The following PCDH7 variants were observed in gnomAD, a reference collection of about 807,000 sequenced individuals.
PCDH7 encodes protocadherin-7.
Under a neutral mutation model 58.9 loss-of-function variants are expected in PCDH7, and 17 were observed. The observed-to-expected ratio is 0.29, with a 90% CI of 0.20 to 0.43. The LOEUF (loss-of-function observed/expected upper bound fraction) is 0.43. PCDH7 is among the 20% of genes least tolerant of loss of function. PCDH7 has a pLI of 1.00. For missense variants in PCDH7, 1,274 were observed against 1,441.0 expected, an observed-to-expected ratio of 0.88 and a Z score of 1.88; for synonymous variants, 664 against 616.4, an observed-to-expected ratio of 1.08 and a Z score of -1.14.
chr4:30,974,782 T>C (rs1469816563), intron 3 of PCDH7, among the ~76,000 whole-genome samples: 1 of 152,076 alleles, frequency 6.6e-6, no homozygotes, highest in Non-Finnish European at 1.5e-5. Context: ...TTCAATGAGG[T>C]TTTAAGAGGG....
At chr4:30,927,379 G>A (rs1041262358) in intron 2 of PCDH7, among the ~76,000 whole-genome samples, 1 of 151,896 alleles carries the variant, frequency 6.6e-6, no homozygotes, top group Admixed American at 6.6e-5. Flanking sequence ...ATTGAGAACG[G>A]GCCATGATGA....
downstream of PCDH7, among the ~76,000 whole-genome samples, chr4:30,734,077 A>AC (rs201221727): frequency 0.012 from 1,789 of 151,998 alleles, 31 homozygotes; most frequent in African/African-American, 0.041. Flanking sequence ...CTTAAAAAAA[A>AC]ACACACAAAA....
chr4:30,850,189 C>T (rs1009779595), intron 1 of PCDH7, among the ~76,000 whole-genome samples: 3 of 151,988 alleles, frequency 2.0e-5, no homozygotes, highest in Non-Finnish European at 2.9e-5. Context: ...AGACTGTATT[C>T]TTGATATATG....
chr4:30,751,199 T>G (rs1718475105), intron 1 of PCDH7, among the ~76,000 whole-genome samples: 1 of 152,226 alleles, frequency 6.6e-6, no homozygotes, highest in Non-Finnish European at 1.5e-5. Context: ...CCTTGTATGA[T>G]ATGAGCTTTT....
intron 3 of PCDH7, among the ~76,000 whole-genome samples, chr4:31,096,919 G>A (rs1356417713): frequency 3.1e-5 from 3 of 95,388 alleles, no homozygotes; most frequent in African/African-American, 7.1e-5. Context: ...GTTTGTGTGT[G>A]TGTGTGTGTT....
At chr4:31,111,761 A>C (rs2109312227) in intron 3 of PCDH7, among the ~76,000 whole-genome samples, 1 of 152,190 alleles carries the variant, frequency 6.6e-6, no homozygotes, top group African/African-American at 2.4e-5. Flanking sequence ...CTAACTCGAA[A>C]CCTCTGCAGT....
At chr4:31,063,199 A>G (rs1273172380) in intron 3 of PCDH7, among the ~76,000 whole-genome samples, 2 of 151,880 alleles carry the variant, frequency 1.3e-5, no homozygotes, top group Non-Finnish European at 2.9e-5. Flanking sequence ...ATGTGTATGT[A>G]CCATGTGGAT....
At chr4:31,019,976 G>A (rs1753902238) in intron 3 of PCDH7, among the ~76,000 whole-genome samples, 1 of 152,006 alleles carries the variant, frequency 6.6e-6, no homozygotes, top group Non-Finnish European at 1.5e-5. Flanking sequence ...AAGCAATTTT[G>A]CAAACAAAAT....
intron 2 of PCDH7, among the ~76,000 whole-genome samples, chr4:30,923,883 A>G (rs750676987): frequency 6.6e-6 from 1 of 152,186 alleles, no homozygotes; most frequent in Non-Finnish European, 1.5e-5. Context: ...AATAATTCAT[A>G]TAGAGTTTAT....
intron 3 of PCDH7, among the ~76,000 whole-genome samples, chr4:31,045,150 T>G (rs1286059019): frequency 6.6e-6 from 1 of 152,102 alleles, no homozygotes; most frequent in Non-Finnish European, 1.5e-5. Flanking sequence ...TTACTGTGAC[T>G]TTAGAAAATA....
At chr4:31,070,135 A>C (rs1396392039) in intron 3 of PCDH7, among the ~76,000 whole-genome samples, 3 of 152,080 alleles carry the variant, frequency 2.0e-5, no homozygotes, top group Admixed American at 2.0e-4. Context: ...TGCTGAATTG[A>C]TACAAAGTAA....
At chr4:31,085,528 A>G (rs897615532) in intron 3 of PCDH7, among the ~76,000 whole-genome samples, 2 of 152,110 alleles carry the variant, frequency 1.3e-5, no homozygotes, top group Non-Finnish European at 2.9e-5. Flanking sequence ...ACTTTAGCCT[A>G]CTCCCAGGAA....
intron 3 of PCDH7, among the ~76,000 whole-genome samples, chr4:31,002,959 T>C (rs1002340150): frequency 4.6e-5 from 7 of 152,200 alleles, no homozygotes; most frequent in African/African-American, 1.7e-4. Context: ...GCCTAAACTT[T>C]AGCTCTGAGT....
chr4:30,799,281 C>A (rs1725207604), intron 1 of PCDH7, among the ~76,000 whole-genome samples: 1 of 152,136 alleles, frequency 6.6e-6, no homozygotes, highest in South Asian at 2.1e-4. Flanking sequence ...TCTAGCATTT[C>A]AAAAATTCAG....
intron 3 of PCDH7, among the ~76,000 whole-genome samples, chr4:30,992,714 T>A (rs1751553564): frequency 6.6e-6 from 1 of 150,428 alleles, no homozygotes; most frequent in South Asian, 2.1e-4. Context: ...ATACATAAAA[T>A]ACATATAACA....
At chr4:30,810,437 T>G (rs918066374) in intron 1 of PCDH7, among the ~76,000 whole-genome samples, 1 of 152,008 alleles carries the variant, frequency 6.6e-6, no homozygotes, top group Non-Finnish European at 1.5e-5. Flanking sequence ...TTTAGCTTTT[T>G]TTTTTGCTTT....
At chr4:31,039,223 G>C (rs1755650552) in intron 3 of PCDH7, among the ~76,000 whole-genome samples, 1 of 152,188 alleles carries the variant, frequency 6.6e-6, no homozygotes, top group African/African-American at 2.4e-5. Flanking sequence ...TTGTGACAGT[G>C]TTAGGATATT....
intron 1 of PCDH7, among the ~76,000 whole-genome samples, chr4:30,748,145 C>CT (rs1175778448): frequency 2.0e-5 from 3 of 152,042 alleles, no homozygotes; most frequent in Non-Finnish European, 1.5e-5. Context: ...ACTGGAGAAA[C>CT]TTTTACAAAC....
intron 3 of PCDH7, among the ~76,000 whole-genome samples, chr4:31,092,522 G>C (rs1337707780): frequency 6.6e-6 from 1 of 152,016 alleles, no homozygotes; most frequent in Non-Finnish European, 1.5e-5. Flanking sequence ...CTGATGTGAG[G>C]TTATGAGATG....
Sources: gnomAD v4.1 joint callset for allele counts (sites outside exome capture counted in the v4.1 genomes callset) on GRCh38, gnomAD v4.1.1 for gene constraint, MANE v1.5 for transcripts, NCBI Gene and HGNC (gene_info 2026-07-23, HGNC 2026-07-21) for gene names.